DGKK: variants seen among roughly 807,000 people sequenced by gnomAD.
The protein encoded by DGKK is diacylglycerol kinase kappa.
Under a neutral mutation model 92.2 loss-of-function variants are expected in DGKK, and 35 were observed. The observed-to-expected ratio is 0.38, with a 90% CI of 0.29 to 0.50. The LOEUF is 0.50. Ranked by LOEUF, DGKK falls within the 20% of genes least tolerant of loss-of-function variation. The probability of loss-of-function intolerance (pLI) is 0.92; values close to 1 mark genes in which losing one functional copy is unlikely to be tolerated. For missense variants in DGKK, 910 were observed against 992.2 expected (o/e 0.92, Z 1.11); for synonymous variants, 368 against 360.6 (o/e 1.02, Z -0.23).
chrX:50,425,694 CT>C (rs1341771554), intron 1 of DGKK, among the ~76,000 whole-genome samples: 1 of 111,611 alleles, frequency 9.0e-6, no homozygotes, highest in Non-Finnish European at 1.9e-5. Flanking sequence ...CTCTTCATAG[CT>C]TATGGGAGTT....
chrX:50,372,529 G>T (rs1032493544), intron 25 of DGKK, among the ~76,000 whole-genome samples: 1 of 111,913 alleles, frequency 8.9e-6, no homozygotes, highest in African/African-American at 3.3e-5. Context: ...TCCTGGAAAA[G>T]AGGGTCTGTC....
chrX:50,413,079 A>G (rs1160019359), intron 4 of DGKK, among the ~76,000 whole-genome samples: 2 of 111,104 alleles, frequency 1.8e-5, no homozygotes, highest in Non-Finnish European at 3.8e-5. Flanking sequence ...CTGAGGTGGA[A>G]CAGTTTCATC....
In DGKK at chrX:50,470,278, A is replaced by T; in HGVS notation, c.401T>A (p.Val134Asp). 1.7e-6 allele frequency: 2 copies of T among 1,189,878 alleles called. No individual in the cohort carries two copies. Among genetic ancestry groups the T allele is most frequent in the Non-Finnish European group, 2.3e-6 (2 of 886,836 alleles). ...AGTCAGCTCTGGGGCCGGCTCTGGG[A>T]CCGACTCTAGGGCAGGTTCTGGAGT... ...EPTPEPALES[V>D]PEPAPELTPE... Residue 134 changes from valine to aspartate, a missense_variant, in exon 1 of 28, where the codon GTC becomes GAC. Transcript: ENST00000611977.
chrX:50,460,450 T>TGG (rs1351911405), intron 1 of DGKK, among the ~76,000 whole-genome samples: 1 of 111,192 alleles, frequency 9.0e-6, no homozygotes, highest in African/African-American at 3.3e-5. Context: ...TCTGGATGTG[T>TGG]GGGTGGGTGG....
chrX:50,370,962 C>T (rs1167161672), intron 26 of DGKK, among the ~76,000 whole-genome samples: 3 of 112,538 alleles, frequency 2.7e-5, no homozygotes, highest in African/African-American at 9.7e-5. Flanking sequence ...TAGGAAAAAA[C>T]ACCTCTTCCT....
chrX:50,410,961 T>C (rs977551932), intron 4 of DGKK, among the ~76,000 whole-genome samples: 1 of 111,165 alleles, frequency 9.0e-6, no homozygotes, highest in Non-Finnish European at 1.9e-5. Flanking sequence ...CAGTAATCAA[T>C]GTATAGATCT....
intron 1 of DGKK, among the ~76,000 whole-genome samples, chrX:50,443,937 A>C (rs1165587970): frequency 1.8e-5 from 2 of 111,181 alleles, no homozygotes; most frequent in East Asian, 5.7e-4. Context: ...CACAATGATT[A>C]CATAAATGAA....
chrX:50,419,667 C>T (rs965714675), intron 4 of DGKK, among the ~76,000 whole-genome samples: 7 of 111,580 alleles, frequency 6.3e-5, no homozygotes, highest in Non-Finnish European at 1.3e-4. Context: ...TGCCAGAGAC[C>T]GCTGTAAGTA....
chrX:50,381,416 C>T (rs1045288480), intron 18 of DGKK, among the ~76,000 whole-genome samples: 24 of 110,783 alleles, frequency 2.2e-4, no homozygotes, highest in African/African-American at 7.6e-4. Flanking sequence ...TGCAGTGAGC[C>T]GAGATCATGC....
In DGKK at chrX:50,386,676, T is replaced by G. The variant is rs782750094; in HGVS notation, c.2119-90A>C. On this transcript the variant is annotated intron_variant, in intron 14 of 27. Transcript: ENST00000611977. ...GGAGTGGTGGTGATATGGGGAAGGG[T>G]AGGGAGGGGTAAGAGTTGTCCATAA... 201 of 763,992 alleles carry G rather than the reference T, an allele frequency of 2.6e-4. No homozygotes were observed. In the African/African-American group the frequency reaches 4.0e-3, roughly 15 times the overall value. The allele number at this position is 763,992 out of a possible 1,213,427, so 63.0% of individuals were successfully genotyped here.
At chrX:50,372,951 G>A (rs1389434096) in intron 25 of DGKK, among the ~76,000 whole-genome samples, 3 of 112,311 alleles carry the variant, frequency 2.7e-5, no homozygotes, top group African/African-American at 9.7e-5. Context: ...CATAGGTTGA[G>A]CCTTGCTGGC....
chrX:50,370,268 A>G (rs781800974), intron 27 of DGKK, among the ~76,000 whole-genome samples, 158 bp downstream of exon 27: 4 of 111,315 alleles, frequency 3.6e-5, no homozygotes, highest in African/African-American at 1.3e-4. Flanking sequence ...CTTGTCCAAG[A>G]TATGGCTTGG....
chrX:50,414,103 A>G (rs1436051187), intron 4 of DGKK, among the ~76,000 whole-genome samples: 5 of 112,041 alleles, frequency 4.5e-5, no homozygotes, highest in African/African-American at 1.6e-4. Context: ...GAAATAAGCT[A>G]GCACAGAAAA....
intron 1 of DGKK, among the ~76,000 whole-genome samples, chrX:50,462,510 G>C (rs1926773109): frequency 9.3e-6 from 1 of 107,418 alleles, no homozygotes; most frequent in Non-Finnish European, 1.9e-5. Context: ...TAGATTAGGA[G>C]GATTTCTTCC....
At chrX:50,405,733 G>A (rs1438809122) in intron 4 of DGKK, among the ~76,000 whole-genome samples, 3 of 111,873 alleles carry the variant, frequency 2.7e-5, no homozygotes, top group Non-Finnish European at 5.6e-5. Context: ...GGAAGGGAAA[G>A]CTATTTTGAT....
At position 50,368,399 on chromosome X, in the gene DGKK, C is replaced by T. The variant is rs1924025923; in HGVS notation, c.*541G>A. 9.0e-6 allele frequency: 1 copy of T among 111,661 alleles called. No homozygotes were observed. 9.2% of individuals were successfully genotyped at this position (111,661 alleles called of 1,213,427 possible). On this transcript the variant is annotated 3_prime_UTR_variant, in exon 28 of 28. Transcript: ENST00000611977. ...CTTAACAGGAAAGTGGACAAGCCCC[C>T]AGGATCTAGTTCTCATTTTAATGAG...
At chrX:50,461,943 A>G (rs1336462946) in intron 1 of DGKK, among the ~76,000 whole-genome samples, 2 of 111,472 alleles carry the variant, frequency 1.8e-5, no homozygotes, top group Non-Finnish European at 3.8e-5. Context: ...ATAATGGAGG[A>G]TGGATCACCT....
chrX:50,470,581 G>A lies in DGKK; in HGVS notation c.98C>T (p.Pro33Leu). Residue 33 changes from proline to leucine, a missense_variant, in exon 1 of 28, where the codon CCG becomes CTG. Transcript: ENST00000611977. ...SPEPPPPWPP[P>L]PPPPAPPPAP... ...CGGCGGCGGAGCCGGTGGTGGTGGC[G>A]GCGGCGGCCAAGGCGGCGGAGGCTC... 8.3e-7 allele frequency: 1 copy of A among 1,200,547 alleles called. No homozygotes were observed. Among genetic ancestry groups the A allele is most frequent in the Admixed American group, 2.2e-5 (1 of 45,220 alleles).
Position 50,393,273 on chromosome X carries a change from A to G in DGKK, c.1474T>C (p.Leu492=). 1 of 1,210,757 alleles carries G rather than the reference A, an allele frequency of 8.3e-7. No homozygotes were observed. Residue 492 remains leucine (L), a synonymous_variant, in exon 9 of 28, where the codon TTG becomes CTG. Coordinates refer to ENST00000611977, the MANE Select transcript of DGKK (RefSeq NM_001013742.4). ...CTTTTGGAGTTGATGAAGATGAGCAAGGGACATGAACAGGCTGATGACCAA... is the reference window on the plus strand; with the variant it reads ...CTTTTGGAGTTGATGAAGATGAGCAGGGGACATGAACAGGCTGATGACCAA... ...LDWSSACSCP[L]LIFINSKSGD...
Sources: allele counts gnomAD v4.1 joint callset (sites outside exome capture counted in the v4.1 genomes callset), GRCh38; gene constraint gnomAD v4.1.1; transcripts MANE v1.5; gene names NCBI Gene and HGNC (gene_info 2026-07-23, HGNC 2026-07-21).